The following AATK variants were observed in gnomAD, a reference collection of about 807,000 sequenced individuals.
AATK encodes serine/threonine-protein kinase LMTK1.
A neutral mutation model predicts 114.3 loss-of-function variants in AATK; 91 were observed. That is an observed-to-expected ratio of 0.80 (90% CI 0.67 to 0.95). AATK has a LOEUF of 0.95. AATK is among the 40% of genes least tolerant of loss of function. The pLI, the probability that AATK is intolerant of heterozygous loss-of-function variation, is 0.00. For missense variants in AATK, 2,176 were observed against 1,965.2 expected (o/e 1.11, Z -2.03); for synonymous variants, 1,075 against 916.5 (o/e 1.17, Z -3.12).
At chr17:81,137,884 G>A (rs1261288864) in intron 1 of AATK, among the ~76,000 whole-genome samples, 2 of 151,484 alleles carry the variant, frequency 1.3e-5, no homozygotes, top group South Asian at 2.1e-4. Flanking sequence ...ACCCGCACAG[G>A]CATATACCCA....
chr17:81,128,746 C>A, intron 3 of AATK, 197 bp from the exon 4 acceptor site: 1 of 1,399,366 alleles, frequency 7.1e-7, no homozygotes, highest in Non-Finnish European at 9.3e-7. Flanking sequence ...CCCAGAAAAG[C>A]CACGGAGCTG....
intron 1 of AATK, among the ~76,000 whole-genome samples, chr17:81,141,108 G>T (rs925468074): frequency 1.3e-5 from 2 of 152,002 alleles, no homozygotes; most frequent in African/African-American, 4.8e-5. Context: ...AAGGCCAGGG[G>T]TGGACTCTCC....
intron 10 of AATK, 66 bp from the exon 11 acceptor site, chr17:81,122,889 G>C: frequency 7.4e-7 from 1 of 1,351,332 alleles, no homozygotes; most frequent in East Asian, 2.8e-5. Flanking sequence ...CCCTGGAGCA[G>C]GGATGGGGGT....
intron 3 of AATK, among the ~76,000 whole-genome samples, chr17:81,130,287 G>C (rs1440235035): frequency 6.6e-6 from 1 of 152,192 alleles, no homozygotes; most frequent in Non-Finnish European, 1.5e-5. Context: ...AAGCTTCCTG[G>C]GAGGGGGCTT....
intron 1 of AATK, among the ~76,000 whole-genome samples, chr17:81,160,751 C>T (rs971308258): frequency 1.3e-5 from 2 of 152,250 alleles, no homozygotes; most frequent in African/African-American, 2.4e-5. Context: ...CAGCCTTGCC[C>T]TGGCGTGCAC....
At position 81,118,561 on chromosome 17, in the gene AATK, C is replaced by G. The variant is rs1255762259; in HGVS notation, c.4085-119G>C. 3.8e-6 allele frequency: 4 copies of G among 1,042,702 alleles called. No homozygotes were observed. The Admixed American group carries it at 8.4e-5, about 22-fold the overall frequency. The allele number at this position is 1,042,702 out of a possible 1,614,324, so 64.6% of individuals were successfully genotyped here. ...TACAGGCCGGGCCCCTTCCCTGCAG[C>G]AGATCTGGCTGTGTCTAGGTGAGAG... On this transcript the variant is annotated intron_variant, in intron 13 of 13. Transcript: ENST00000326724.
rs754342730 is a variant in AATK at position 81,121,720 on chromosome 17, G to A, written c.2216C>T (p.Pro739Leu). 1.5e-4 allele frequency: 217 copies of A among 1,493,588 alleles called. 3 individuals are homozygous for A. The Middle Eastern group carries it at 1.5e-3, about 10-fold the overall frequency. The allele number at this position is 1,493,588 out of a possible 1,614,324, so 92.5% of individuals were successfully genotyped here. A position where few individuals can be genotyped will look rare whatever the true frequency, so the allele number is the denominator to read the frequency against. The change falls in exon 11 of 14, where the codon CCA becomes CTA. Residue 739 changes from proline to leucine, a missense_variant. Physicochemically the swap from Pro to Leu is moderately conservative, Grantham distance 98. This residue lies in a region of AATK where 1,701 missense variants were observed against 1,394.7 expected (regional missense o/e 1.22). Coordinates refer to ENST00000326724, the MANE Select transcript of AATK (RefSeq NM_001080395.3). ...ATGAGGGAGGCCGGGGCAGCAGCCT[G>A]GCTCCTGGGCAGAGGCTGCCTGGAG... ...LGLQAASAQE[P>L]GCCPGLPHLC...
rs564062606 is a variant in AATK, at chr17:81,118,893, C to T, written c.4085-451G>A. Among the ~76,000 whole-genome samples the T allele has an allele frequency of 5.3e-5, 8 of 152,310 alleles. No individual in the cohort carries two copies. The East Asian group carries it at 1.5e-3, about 29-fold the overall frequency. On this transcript the variant is annotated intron_variant, in intron 13 of 13. Coordinates refer to ENST00000326724, the MANE Select transcript of AATK (RefSeq NM_001080395.3). Reference sequence around the variant, plus strand: ...CACTTGTCAGGCACGTGGGCAGAGGCTGTAGGGGTAGGGACACCTGGCAGA... The same window carrying T: ...CACTTGTCAGGCACGTGGGCAGAGGTTGTAGGGGTAGGGACACCTGGCAGA...
chr17:81,137,678 G>T (rs145520493), intron 1 of AATK, among the ~76,000 whole-genome samples: 1 of 152,226 alleles, frequency 6.6e-6, no homozygotes, highest in African/African-American at 2.4e-5. Context: ...CCACGTATGT[G>T]CATGCATGAA....
chr17:81,133,145 TG>T, intron 2 of AATK: 1 of 456,250 alleles, frequency 2.2e-6, no homozygotes. Flanking sequence ...CCCCACAGCC[TG>T]GGGCCACAGC....
chr17:81,135,671 C>T (rs1183126462), intron 1 of AATK: 1 of 152,328 alleles, frequency 6.6e-6, no homozygotes, highest in Non-Finnish European at 1.5e-5. Flanking sequence ...TCTGCCAGGG[C>T]TGCAGGCTAA....
intron 7 of AATK, chr17:81,125,961 C>T (rs931560446): frequency 1.9e-5 from 9 of 479,846 alleles, no homozygotes; most frequent in Admixed American, 2.3e-5. Flanking sequence ...GACAGCCGTG[C>T]GGCGTCTGGG....
rs1260860005 is a variant in AATK, at chr17:81,135,345, AGG to A, written c.56-846_56-845del. ...AGCCTTGGTGTCCCCTGGGCAGGGGAGGGCACACTGACCCGCTGGCTCTATCC... is the reference window on the plus strand; with the variant it reads ...AGCCTTGGTGTCCCCTGGGCAGGGGAGCACACTGACCCGCTGGCTCTATCC... On this transcript the variant is annotated intron_variant, in intron 1 of 13. Transcript: ENST00000326724. Among the ~76,000 whole-genome samples the A allele has an allele frequency of 8.6e-5, 13 of 151,992 alleles. 1 individual carries two copies. The highest frequency in any genetic ancestry group is 8.5e-4 in the Admixed American group (13 of 15,270).
Position 81,120,796 on chromosome 17 carries a change from G to T in AATK, c.3140C>A (p.Ala1047Glu). ...VCLRPGVSGEAQGSGPGEVLP... is the reference protein window; with the variant it reads ...VCLRPGVSGEEQGSGPGEVLP... Reference sequence around the variant, plus strand: ...CACCTCCCCGGGGCCAGAGCCTTGTGCCTCCCCGGAAACCCCAGGCCTGAG... The same window carrying T: ...CACCTCCCCGGGGCCAGAGCCTTGTTCCTCCCCGGAAACCCCAGGCCTGAG... Residue 1047 changes from alanine (A) to glutamate (E), a missense_variant, in exon 11 of 14, where the codon GCA becomes GAA. Ala to Glu is a moderately radical substitution (Grantham distance 107). This residue lies in a region of AATK where 1,701 missense variants were observed against 1,394.7 expected (regional missense o/e 1.22). Transcript: ENST00000326724. 6.4e-7 allele frequency: 1 copy of T among 1,568,730 alleles called. No homozygotes were observed. Among genetic ancestry groups the T allele is most frequent in the Non-Finnish European group, 8.6e-7 (1 of 1,157,482 alleles).
chr17:81,156,217 CATGTTACAATGTATGTTACT>C (rs1567827891), intron 1 of AATK, among the ~76,000 whole-genome samples: 8 of 139,560 alleles, frequency 5.7e-5, no homozygotes, highest in Admixed American at 1.4e-4. Context: ...TGTATGTTAC[CATGTTACAATGTATGTTACT>C]ATGTTACAAT....
chr17:81,146,638 C>T (rs369386894), intron 1 of AATK, among the ~76,000 whole-genome samples: 3 of 152,220 alleles, frequency 2.0e-5, no homozygotes, highest in Admixed American at 1.3e-4. Flanking sequence ...ATGGCTTGAA[C>T]CCAAGAGGTA....
At position 81,164,127 on chromosome 17, in the gene AATK, G is replaced by A. The variant is rs75587939; in HGVS notation, c.55+1811C>T. 9.5e-4 allele frequency among the ~76,000 whole-genome samples: 144 copies of A among 152,328 alleles called. No individual in the cohort carries two copies. In the East Asian group the frequency reaches 0.023, roughly 24 times the overall value. On this transcript the variant is annotated intron_variant, in intron 1 of 13. Coordinates refer to ENST00000326724, the MANE Select transcript of AATK (RefSeq NM_001080395.3). ...GACAGCCAAGTGCTCACCAAGCACTGAGCCCACCCGGGCCTGCCACAGGTA... is the reference window on the plus strand; with the variant it reads ...GACAGCCAAGTGCTCACCAAGCACTAAGCCCACCCGGGCCTGCCACAGGTA...
intron 7 of AATK, chr17:81,125,737 C>G: frequency 1.9e-5 from 7 of 367,288 alleles, no homozygotes; most frequent in South Asian, 1.4e-4. Context: ...CCAGCCTGTC[C>G]CTCCCCACAT....
chr17:81,117,396 G>T lies in AATK; in HGVS notation c.*1006C>A, dbSNP rs2060576977. 6.6e-6 allele frequency: 1 copy of T among 152,272 alleles called. No homozygotes were observed. The highest frequency in any genetic ancestry group is 6.5e-5 in the Admixed American group (1 of 15,282). 9.4% of individuals were successfully genotyped at this position (152,272 alleles called of 1,614,324 possible). A position where few individuals can be genotyped will look rare whatever the true frequency, so the allele number is the denominator to read the frequency against. ...CAAAACACAAAACAAATCCCCCTGC[G>T]AAGCAACAATAAACTTTACATCTCT... On this transcript the variant is annotated 3_prime_UTR_variant, in exon 14 of 14. Coordinates refer to ENST00000326724, the MANE Select transcript of AATK (RefSeq NM_001080395.3).
Sources: gnomAD v4.1 joint callset for allele counts (sites outside exome capture counted in the v4.1 genomes callset) on GRCh38, gnomAD v4.1.1 for gene constraint, gnomAD v4.1.1 regional missense constraint, MANE v1.5 for transcripts, NCBI Gene and HGNC (gene_info 2026-07-23, HGNC 2026-07-21) for gene names.